Variants in WDR64 observed in about 807,000 individuals in gnomAD.
The protein encoded by WDR64 is WD repeat-containing protein 64.
WDR64 carries 112 observed loss-of-function variants against 139.3 expected under a neutral mutation model. The ratio of observed to expected loss-of-function variants is 0.80; its 90% confidence interval spans 0.69 to 0.94. The LOEUF (loss-of-function observed/expected upper bound fraction) is 0.94. Among genes scored for constraint, WDR64 ranks in the 40% least tolerant of loss-of-function variants. WDR64 has a pLI of 0.00. For missense variants in WDR64, 1,206 were observed against 1,293.1 expected, an observed-to-expected ratio of 0.93 and a Z score of 1.03; for synonymous variants, 444 against 437.7, an observed-to-expected ratio of 1.01 and a Z score of -0.18.
In WDR64 at chr1:241,801,825, T is replaced by C. The variant is rs1025800969; in HGVS notation, c.*610T>C. ...ATGGGTCATAGAAATAGAAAAAGCA[T>C]AGTAACATGGTAGATTTAACCTTAA... is the stretch of plus-strand genomic sequence containing the variant. On this transcript the variant is annotated 3_prime_UTR_variant, in exon 28 of 28. Coordinates refer to ENST00000437684, the MANE Select transcript of WDR64 (RefSeq NM_001367482.1). 1 of 398,076 alleles carries C rather than the reference T, an allele frequency of 2.5e-6. No homozygotes were observed. The highest frequency in any genetic ancestry group is 2.1e-5 in the African/African-American group (1 of 48,580). The allele number at this position is 398,076 out of a possible 1,614,324, so 24.7% of individuals were successfully genotyped here.
At chr1:241,711,583 C>T (rs1668169993) in intron 8 of WDR64, among the ~76,000 whole-genome samples, 2 of 152,140 alleles carry the variant, frequency 1.3e-5, no homozygotes, top group South Asian at 2.1e-4. Context: ...TTCTTTTAAA[C>T]AGGAACAATA....
chr1:241,758,023 G>A (rs1481309652), intron 15 of WDR64, among the ~76,000 whole-genome samples: 2 of 151,914 alleles, frequency 1.3e-5, no homozygotes, highest in African/African-American at 4.8e-5. Flanking sequence ...ATCCAAACAA[G>A]GTTTATTTGT....
Position 241,781,290 on chromosome 1 carries a change from C to A in WDR64, c.2595+1228C>A, listed in dbSNP as rs568171250. Among the ~76,000 whole-genome samples, 6 of 152,222 alleles carry A rather than the reference C, an allele frequency of 3.9e-5. No homozygotes were observed. In the East Asian group the frequency reaches 1.2e-3, roughly 29 times the overall value. On this transcript the variant is annotated intron_variant, in intron 22 of 27. Transcript: ENST00000437684. ...TTTCACAAATTTAAAATTAGAGAAT[C>A]TTTAGTAACTTATTTTAAATTCTTT...
In WDR64 at chr1:241,683,532, G is replaced by A; in HGVS notation, c.670G>A (p.Val224Met). 19 of 1,551,746 alleles carry A rather than the reference G, an allele frequency of 1.2e-5. No individual in the cohort carries two copies. The highest frequency in any genetic ancestry group is 1.6e-5 in the Non-Finnish European group (18 of 1,146,976). ...ACCAATGGATCACTGCCTCCTGTGT[G>A]TGTGTGTGGTGCCTTTGCCTGACCA... ...IKPMDHCLLC[V>M]CVVPLPDHLC... Residue 224 changes from valine (V) to methionine (M), a missense_variant, in exon 7 of 28, where the codon GTG becomes ATG. Physicochemically the swap from Val to Met is conservative, Grantham distance 21. Transcript: ENST00000437684.
intron 14 of WDR64, among the ~76,000 whole-genome samples, chr1:241,752,240 A>G (rs1670007539): frequency 6.6e-6 from 1 of 152,236 alleles, no homozygotes; most frequent in Non-Finnish European, 1.5e-5. Flanking sequence ...CCAATATAAC[A>G]TAAAAGATTT....
intron 8 of WDR64, among the ~76,000 whole-genome samples, chr1:241,696,226 T>C (rs1667482169): frequency 6.7e-6 from 1 of 148,752 alleles, no homozygotes; most frequent in African/African-American, 2.5e-5. Context: ...TCAGAGAAAG[T>C]TCCTTTCTCT....
At chr1:241,728,348 G>GAA (rs11302541) in intron 10 of WDR64, among the ~76,000 whole-genome samples, 29 of 51,982 alleles carry the variant, frequency 5.6e-4, no homozygotes, top group Non-Finnish European at 7.4e-4. Context: ...AGAAGAAGAA[G>GAA]AAAAAAAAAG....
At chr1:241,667,092 G>A (rs1666051022) in intron 2 of WDR64, among the ~76,000 whole-genome samples, 1 of 152,196 alleles carries the variant, frequency 6.6e-6, no homozygotes, top group South Asian at 2.1e-4. Flanking sequence ...TGCTCTTTGA[G>A]TATGGGTATC....
intron 7 of WDR64, 107 bp from the exon 8 acceptor site, chr1:241,687,354 T>C (rs1379960044): frequency 4.5e-6 from 6 of 1,342,242 alleles, no homozygotes; most frequent in Non-Finnish European, 6.1e-6. Flanking sequence ...TATTCTACAT[T>C]TGGGTTTAGT....
At chr1:241,739,640 C>T (rs1429505111) in intron 11 of WDR64, among the ~76,000 whole-genome samples, 1 of 152,146 alleles carries the variant, frequency 6.6e-6, no homozygotes, top group Admixed American at 6.5e-5. Flanking sequence ...TTAGCATTTC[C>T]ATCCCATTTA....
intron 22 of WDR64, 94 bp downstream of exon 22, chr1:241,780,156 G>A (rs1658794973): frequency 9.4e-7 from 1 of 1,067,706 alleles, no homozygotes; most frequent in Non-Finnish European, 1.4e-6. Flanking sequence ...AGAAATACAA[G>A]ACTCTCTGTT....
intron 15 of WDR64, among the ~76,000 whole-genome samples, chr1:241,764,702 C>T (rs1200046831): frequency 6.6e-6 from 1 of 151,956 alleles, no homozygotes; most frequent in East Asian, 1.9e-4. Context: ...GATATAAGGT[C>T]ATGACAATGG....
At chr1:241,702,429 A>G (rs896776844) in intron 8 of WDR64, among the ~76,000 whole-genome samples, 5 of 152,166 alleles carry the variant, frequency 3.3e-5, no homozygotes, top group African/African-American at 1.2e-4. Context: ...TAACTCACGT[A>G]AAGTGCCTTG....
chr1:241,652,605 G>T lies in WDR64; in HGVS notation c.121G>T (p.Ala41Ser). The stretch of plus-strand genomic sequence containing the variant: ...AGCAGCCCAGAAAAGAGATGAAAGA[G>T]CAGGCTTATTTATCCATAAAGAAGG... ...QTAAQKRDERAGLFIHKEDAI... is the reference protein window; with the variant it reads ...QTAAQKRDERSGLFIHKEDAI... The change falls in exon 1 of 28, where the codon GCA (alanine) becomes TCA (serine). Residue 41 changes from alanine to serine, a missense_variant. Ala to Ser is a moderately conservative substitution (Grantham distance 99, BLOSUM62 1). Transcript: ENST00000437684. The T allele has an allele frequency of 6.4e-7, 1 of 1,551,722 alleles. No individual in the cohort carries two copies. The highest frequency in any genetic ancestry group is 8.7e-7 in the Non-Finnish European group (1 of 1,147,006).
intron 14 of WDR64, among the ~76,000 whole-genome samples, chr1:241,751,231 T>C (rs1261050125): frequency 6.6e-6 from 1 of 152,180 alleles, no homozygotes; most frequent in Non-Finnish European, 1.5e-5. Context: ...GAAGCTTGTA[T>C]GGTGGGATGG....
intron 15 of WDR64, among the ~76,000 whole-genome samples, chr1:241,762,724 T>C (rs1657976579): frequency 6.6e-6 from 1 of 151,588 alleles, no homozygotes. Flanking sequence ...AAAACAACCA[T>C]AATATAATTT....
At chr1:241,763,596 G>A (rs970684977) in intron 15 of WDR64, among the ~76,000 whole-genome samples, 4 of 152,150 alleles carry the variant, frequency 2.6e-5, no homozygotes, top group East Asian at 1.9e-4. Flanking sequence ...TCCTAGCTAC[G>A]GGGGAGGCTG....
At chr1:241,719,329 C>T (rs1668517550) in intron 9 of WDR64, among the ~76,000 whole-genome samples, 1 of 152,130 alleles carries the variant, frequency 6.6e-6, no homozygotes, top group Non-Finnish European at 1.5e-5. Context: ...TAAACAACAA[C>T]AAGTCCTGTC....
Position 241,783,286 on chromosome 1 carries a change from G to A in WDR64, c.2610G>A (p.Leu870=), listed in dbSNP as rs1419748398. The part of the protein sequence containing the change: ...PPHDEKKFKQ[L]LSWRAHSLEI... ...TTGCTATCTAGAAATTCAAGCAGCTGCTTTCCTGGCGTGCTCATTCTTTGG... is the reference window on the plus strand; with the variant it reads ...TTGCTATCTAGAAATTCAAGCAGCTACTTTCCTGGCGTGCTCATTCTTTGG... Residue 870 remains leucine (L), a synonymous_variant, in exon 23 of 28, where the codon CTG becomes CTA. Transcript: ENST00000437684. 14 of 1,613,568 alleles carry A rather than the reference G, an allele frequency of 8.7e-6. No individual in the cohort carries two copies. Among genetic ancestry groups the A allele is most frequent in the Non-Finnish European group, 1.0e-5 (12 of 1,179,896 alleles).
Sources: allele counts gnomAD v4.1 joint callset (sites outside exome capture counted in the v4.1 genomes callset), GRCh38; gene constraint gnomAD v4.1.1; transcripts MANE v1.5; gene names NCBI Gene and HGNC (gene_info 2026-07-23, HGNC 2026-07-21).